AOPEP: variants seen among roughly 807,000 people sequenced by gnomAD.
AOPEP encodes aminopeptidase O.
Under a neutral mutation model 98.1 loss-of-function variants are expected in AOPEP, and 77 were observed. The ratio of observed to expected loss-of-function variants is 0.78; its 90% confidence interval spans 0.65 to 0.95. The LOEUF is 0.95. Ranked by LOEUF, AOPEP falls within the 40% of genes least tolerant of loss-of-function variation. The pLI is 0.00. For synonymous variants in AOPEP, 346 were observed against 365.3 expected, an observed-to-expected ratio of 0.95 and a Z score of 0.60; for missense variants, 1,024 against 1,024.7, an observed-to-expected ratio of 1.00 and a Z score of 0.01.
intron 13 of AOPEP, among the ~76,000 whole-genome samples, chr9:95,008,852 T>C (rs2132819851): frequency 6.6e-6 from 1 of 152,374 alleles, no homozygotes; most frequent in African/African-American, 2.4e-5. Flanking sequence ...CATTTTATTT[T>C]AGTTTCATAT....
chr9:95,139,970 C>T, the AOPEP span, among the ~76,000 whole-genome samples: 1 of 151,154 alleles, frequency 6.6e-6, no homozygotes, highest in Non-Finnish European at 1.5e-5. Context: ...GTGACAGAAA[C>T]GCTAAGGTTG....
intron 2 of AOPEP, among the ~76,000 whole-genome samples, chr9:94,763,721 C>T (rs1360664438): frequency 2.6e-5 from 4 of 152,140 alleles, no homozygotes. Context: ...GAACAACAAC[C>T]CACAGCGATG....
chr9:94,793,136 C>T (rs979270529), intron 4 of AOPEP, among the ~76,000 whole-genome samples: 4 of 152,082 alleles, frequency 2.6e-5, no homozygotes, highest in Non-Finnish European at 5.9e-5. Context: ...GAGGCCGAGG[C>T]GGGTGGATCA....
chr9:94,877,137 T>C (rs545994920), intron 5 of AOPEP, among the ~76,000 whole-genome samples: 66 of 152,244 alleles, frequency 4.3e-4, no homozygotes, highest in African/African-American at 1.5e-3. Flanking sequence ...TGGGAATTTG[T>C]AGGGGAAGCT....
At chr9:94,885,772 A>T (rs2048170347) in intron 5 of AOPEP, among the ~76,000 whole-genome samples, 1 of 152,218 alleles carries the variant, frequency 6.6e-6, no homozygotes, top group Non-Finnish European at 1.5e-5. Flanking sequence ...TATAGTAATC[A>T]TATTTTGCTA....
intron 3 of AOPEP, among the ~76,000 whole-genome samples, chr9:94,776,378 T>G (rs1439272696): frequency 6.6e-6 from 1 of 152,210 alleles, no homozygotes; most frequent in East Asian, 1.9e-4. Flanking sequence ...CTCGGCTCAC[T>G]GCAACCTCTG....
chr9:95,075,064 T>G (rs375678228), intron 14 of AOPEP, among the ~76,000 whole-genome samples: 179 of 152,294 alleles, frequency 1.2e-3, no homozygotes, highest in African/African-American at 4.1e-3. Context: ...CTTTCTCTAC[T>G]TGCCCAGTCT....
At chr9:95,095,760 G>T in the AOPEP span, among the ~76,000 whole-genome samples, 2 of 151,348 alleles carry the variant, frequency 1.3e-5, no homozygotes, top group South Asian at 4.2e-4. Flanking sequence ...CCCCCTCTTC[G>T]TGAGATCGGC....
At chr9:94,781,603 C>T (rs1843262420) in intron 3 of AOPEP, among the ~76,000 whole-genome samples, 1 of 150,512 alleles carries the variant, frequency 6.6e-6, no homozygotes, top group African/African-American at 2.4e-5. Context: ...TTCTGTCGCC[C>T]AGGCTGGAGT....
rs185328146 is a variant in AOPEP, at chr9:94,758,524, A to G, written c.-135-1125A>G. Among the ~76,000 whole-genome samples, 191 of 152,304 alleles carry G rather than the reference A, an allele frequency of 1.3e-3. 1 individual carries two copies. Among genetic ancestry groups the G allele is most frequent in the Non-Finnish European group, 8.8e-4 (60 of 68,024 alleles). On this transcript the variant is annotated intron_variant, in intron 1 of 16. Transcript: ENST00000375315. ...GAGATGCAGATAAAGCTGGCAGGGAAGTGAGGAGGAGTTAGGATACAAAGG... is the reference window on the plus strand; with the variant it reads ...GAGATGCAGATAAAGCTGGCAGGGAGGTGAGGAGGAGTTAGGATACAAAGG...
intron 1 of AOPEP, among the ~76,000 whole-genome samples, chr9:94,728,302 GCAAA>G (rs1352299678): frequency 6.6e-6 from 1 of 151,116 alleles, no homozygotes; most frequent in Middle Eastern, 3.2e-3. Flanking sequence ...GAGATAAATG[GCAAA>G]CAAGATTGTG....
the AOPEP span, among the ~76,000 whole-genome samples, chr9:95,128,463 T>C: frequency 6.6e-6 from 1 of 152,248 alleles, no homozygotes; most frequent in Non-Finnish European, 1.5e-5. Context: ...ATGGTCAAAC[T>C]ATCCCAGAGC....
the AOPEP span, among the ~76,000 whole-genome samples, chr9:95,104,197 G>A: frequency 1.3e-5 from 2 of 152,192 alleles, no homozygotes; most frequent in African/African-American, 2.4e-5. Context: ...TCCCTGCCAC[G>A]CGGCCACCGC....
At chr9:95,099,911 G>A in the AOPEP span, 2 of 233,148 alleles carry the variant, frequency 8.6e-6, no homozygotes, top group Admixed American at 5.6e-5. Flanking sequence ...AGGGGAGGAG[G>A]AAGAGGCCAA....
At chr9:94,862,232 G>A (rs1463583611) in intron 5 of AOPEP, among the ~76,000 whole-genome samples, 1 of 152,162 alleles carries the variant, frequency 6.6e-6, no homozygotes, top group Non-Finnish European at 1.5e-5. Context: ...CAAAGTCACT[G>A]GGCTGGCTGA....
chr9:94,769,129 T>G (rs1329812935), intron 2 of AOPEP, among the ~76,000 whole-genome samples: 1 of 152,190 alleles, frequency 6.6e-6, no homozygotes, highest in Non-Finnish European at 1.5e-5. Context: ...CACTATGTAG[T>G]GGGTATGATT....
chr9:95,068,285 A>C (rs1386106916), intron 14 of AOPEP, among the ~76,000 whole-genome samples: 1 of 151,414 alleles, frequency 6.6e-6, no homozygotes, highest in Non-Finnish European at 1.5e-5. Context: ...ACCATCTTAC[A>C]TTTTCTCTAG....
intron 2 of AOPEP, chr9:94,763,163 T>A: frequency 2.3e-6 from 1 of 442,368 alleles, no homozygotes; most frequent in Non-Finnish European, 4.7e-6. Flanking sequence ...TCTAGATAAA[T>A]CTGTATCTCA....
At chr9:94,735,362 A>G (rs1249120673) in intron 1 of AOPEP, among the ~76,000 whole-genome samples, 1 of 152,164 alleles carries the variant, frequency 6.6e-6, no homozygotes, top group Non-Finnish European at 1.5e-5. Flanking sequence ...CTGGGACTAC[A>G]GGCACTCACC....
Sources: allele counts gnomAD v4.1 joint callset (sites outside exome capture counted in the v4.1 genomes callset), GRCh38; gene constraint gnomAD v4.1.1; transcripts MANE v1.5; gene names NCBI Gene and HGNC (gene_info 2026-07-23, HGNC 2026-07-21).